The following DCLK1 variants were observed in gnomAD, a reference collection of about 807,000 sequenced individuals.
DCLK1 encodes the protein doublecortin like kinase 1, also known as serine/threonine-protein kinase DCLK1.
In DCLK1, 16 loss-of-function variants were observed where a neutral mutation model predicts 86.2. The ratio of observed to expected loss-of-function variants is 0.19; its 90% CI spans 0.13 to 0.28. The LOEUF is 0.28. Among genes scored for constraint, DCLK1 ranks in the 10% least tolerant of loss-of-function variants. The pLI is 1.00. For synonymous variants in DCLK1, 369 were observed against 370.5 expected, an observed-to-expected ratio of 1.00 and a Z score of 0.05; for missense variants, 590 against 940.2, an observed-to-expected ratio of 0.63 and a Z score of 4.87.
Position 35,851,995 on chromosome 13 carries a change from A to ATATGTGTGTG in DCLK1, c.1035+2503_1035+2504insCACACACATA, listed in dbSNP as rs1555344391. Among the ~76,000 whole-genome samples the ATATGTGTGTG allele has an allele frequency of 1.0e-3, 143 of 143,626 alleles. 1 individual carries two copies. The highest frequency in any genetic ancestry group is 1.1e-3 in the African/African-American group (44 of 39,630). 94.2% of individuals were successfully genotyped at this position (143,626 alleles called of 152,430 possible). On this transcript the variant is annotated intron_variant, in intron 6 of 16. Coordinates refer to ENST00000360631, the MANE Select transcript of DCLK1 (RefSeq NM_001330071.2). ...GGCGCGCGTGTGTGCATGTGTGTGTATGTGTGTGTGTGTGTGTGTGTGTGT... is the reference window on the plus strand; with the variant it reads ...GGCGCGCGTGTGTGCATGTGTGTGTATATGTGTGTGTGTGTGTGTGTGTGTGTGTGTGTGT...
rs570502754 is a variant in DCLK1 at position 35,889,398 on chromosome 13, C to G, written c.824-18058G>C. Among the ~76,000 whole-genome samples the G allele has an allele frequency of 2.1e-3, 317 of 152,126 alleles. 1 individual carries two copies. The highest frequency in any genetic ancestry group is 2.7e-3 in the Non-Finnish European group (185 of 67,962). On this transcript the variant is annotated intron_variant, in intron 4 of 16. Coordinates refer to ENST00000360631, the MANE Select transcript of DCLK1 (RefSeq NM_001330071.2). ...TTAAAAGAAGGAAGCAATAAATCAC[C>G]CTAAATTAGGAGTTAGGGGCTCTCC...
chr13:35,846,161 GT>G lies in DCLK1; in HGVS notation c.1036-6986del, dbSNP rs567603778. Reference sequence around the variant, plus strand: ...TGTGTCAAATGTTTTAACACAAAATGTTTTTTTTTAAAGAGAATACACATCC... The same window carrying G: ...TGTGTCAAATGTTTTAACACAAAATGTTTTTTTTAAAGAGAATACACATCC... On this transcript the variant is annotated intron_variant, in intron 6 of 16. Coordinates refer to ENST00000360631, the MANE Select transcript of DCLK1 (RefSeq NM_001330071.2). 3.7e-4 allele frequency: 365 copies of G among 976,960 alleles called. 1 individual carries two copies. In the African/African-American group the frequency reaches 4.2e-3, roughly 11 times the overall value. The allele number at this position is 976,960 out of a possible 1,614,324, so 60.5% of individuals were successfully genotyped here.
At chr13:36,079,411 C>T (rs1593871550) in intron 3 of DCLK1, among the ~76,000 whole-genome samples, 1 of 152,150 alleles carries the variant, frequency 6.6e-6, no homozygotes, top group East Asian at 1.9e-4. Flanking sequence ...GGGAGGATCG[C>T]CTCAGGTCAG....
intron 3 of DCLK1, among the ~76,000 whole-genome samples, chr13:36,088,640 C>G (rs940541261): frequency 1.3e-5 from 2 of 152,290 alleles, no homozygotes; most frequent in Middle Eastern, 3.4e-3. Context: ...CCCAGAACAC[C>G]AGTGGAGTGG....
intron 8 of DCLK1, among the ~76,000 whole-genome samples, chr13:35,833,543 A>G (rs191247110): frequency 5.1e-4 from 77 of 152,308 alleles, no homozygotes; most frequent in African/African-American, 1.8e-3. Context: ...CATGGGCAGA[A>G]ATCTAAATGG....
chr13:35,810,138 A>T (rs1248087125), intron 12 of DCLK1, among the ~76,000 whole-genome samples: 1 of 152,092 alleles, frequency 6.6e-6, no homozygotes, highest in Non-Finnish European at 1.5e-5. Context: ...TCAAATCCTG[A>T]CTCAACCACT....
chr13:35,942,483 T>C (rs541781393), intron 4 of DCLK1, among the ~76,000 whole-genome samples: 1 of 152,242 alleles, frequency 6.6e-6, no homozygotes, highest in East Asian at 1.9e-4. Flanking sequence ...GCGCCTGGCC[T>C]CAAAAGGACA....
chr13:35,778,239 A>T (rs114769580), intron 16 of DCLK1, among the ~76,000 whole-genome samples: 2,474 of 152,300 alleles, frequency 0.016, 68 homozygotes, highest in African/African-American at 0.056. Flanking sequence ...ATTTATTTAC[A>T]GCTCCTCATA....
At chr13:35,969,241 C>G (rs1378736848) in intron 3 of DCLK1, among the ~76,000 whole-genome samples, 2 of 152,098 alleles carry the variant, frequency 1.3e-5, no homozygotes, top group African/African-American at 4.8e-5. Flanking sequence ...AAGTCCTAAC[C>G]CCCAGTACCT....
At chr13:36,038,041 G>A (rs1031589883) in intron 3 of DCLK1, among the ~76,000 whole-genome samples, 1 of 152,194 alleles carries the variant, frequency 6.6e-6, no homozygotes, top group Non-Finnish European at 1.5e-5. Flanking sequence ...CTTGGAGGCG[G>A]TGACTGTGAC....
At chr13:35,999,753 G>A (rs1880631272) in intron 3 of DCLK1, among the ~76,000 whole-genome samples, 1 of 152,136 alleles carries the variant, frequency 6.6e-6, no homozygotes, top group Non-Finnish European at 1.5e-5. Flanking sequence ...TTATGCCCTA[G>A]TACCAAACTC....
At position 36,112,169 on chromosome 13, in the gene DCLK1, C is replaced by T; in HGVS notation, c.423G>A (p.Glu141=). The T allele has an allele frequency of 6.2e-7, 1 of 1,606,234 alleles. No individual in the cohort carries two copies. The highest frequency in any genetic ancestry group is 8.5e-7 in the Non-Finnish European group (1 of 1,173,728). Residue 141 remains glutamate (E), a synonymous_variant, in exon 3 of 17, where the codon GAG becomes GAA. Coordinates refer to ENST00000360631, the MANE Select transcript of DCLK1 (RefSeq NM_001330071.2). ...CGSIEPFKKL[E]YTKNVNPNWS... is the part of the protein sequence containing the mutation. ...AGTTGGGGTTCACATTCTTGGTGTA[C>T]TCCAGTTTCTTGAAGGGCTCTATGG...
At chr13:36,122,155 A>G (rs116544241) in intron 2 of DCLK1, among the ~76,000 whole-genome samples, 68 of 152,290 alleles carry the variant, frequency 4.5e-4, no homozygotes, top group African/African-American at 1.6e-3. Context: ...AAGATGGGTA[A>G]CCCAGAGGCT....
At chr13:35,949,337 C>T (rs781769419) in intron 3 of DCLK1, among the ~76,000 whole-genome samples, 2 of 152,188 alleles carry the variant, frequency 1.3e-5, no homozygotes, top group Admixed American at 1.3e-4. Context: ...TTTTCTCACA[C>T]AGCATCATGC....
intron 3 of DCLK1, among the ~76,000 whole-genome samples, chr13:36,022,851 A>C (rs1349166442): frequency 6.6e-6 from 1 of 151,978 alleles, no homozygotes; most frequent in Non-Finnish European, 1.5e-5. Flanking sequence ...ACAATTCTTT[A>C]TAAACTCTTC....
chr13:35,948,554 C>A (rs982338490), intron 3 of DCLK1, among the ~76,000 whole-genome samples: 1 of 152,276 alleles, frequency 6.6e-6, no homozygotes, highest in East Asian at 1.9e-4. Flanking sequence ...GGACACATTA[C>A]ATGTGCTGTA....
intron 4 of DCLK1, among the ~76,000 whole-genome samples, chr13:35,907,269 C>T (rs1874738291): frequency 6.6e-6 from 1 of 152,152 alleles, no homozygotes; most frequent in East Asian, 1.9e-4. Flanking sequence ...CTCAAGTGAG[C>T]CTCCCACCTC....
At chr13:36,075,909 C>T (rs1884191594) in intron 3 of DCLK1, among the ~76,000 whole-genome samples, 1 of 152,068 alleles carries the variant, frequency 6.6e-6, no homozygotes, top group South Asian at 2.1e-4. Context: ...CCTGTAGTCC[C>T]AGCTACTCGG....
intron 4 of DCLK1, among the ~76,000 whole-genome samples, chr13:35,914,806 T>G (rs568809915): frequency 6.6e-6 from 1 of 152,312 alleles, no homozygotes; most frequent in Admixed American, 6.5e-5. Flanking sequence ...GACAGAAGTT[T>G]TTTTGAAGGC....
Sources: gnomAD v4.1 joint callset for allele counts (sites outside exome capture counted in the v4.1 genomes callset) on GRCh38, gnomAD v4.1.1 for gene constraint, MANE v1.5 for transcripts, NCBI Gene and HGNC (gene_info 2026-07-23, HGNC 2026-07-21) for gene names.